The following FHIT variants were observed in gnomAD, a reference collection of about 807,000 sequenced individuals.
The protein encoded by FHIT is fragile histidine triad diadenosine triphosphatase, also known as bis(5'-adenosyl)-triphosphatase.
A neutral mutation model predicts 17.9 loss-of-function variants in FHIT; 19 were observed. The observed-to-expected ratio is 1.06, with a 90% CI of 0.74 to 1.56. The LOEUF (loss-of-function observed/expected upper bound fraction) is 1.56. Among genes scored for constraint, FHIT ranks in the 40% most tolerant of loss-of-function variants. The pLI is 0.00. For missense variants in FHIT, 248 were observed against 189.2 expected (o/e 1.31, Z -1.82); for synonymous variants, 81 against 69.7 (o/e 1.16, Z -0.81).
At chr3:61,069,751 T>C (rs1321553109) in intron 2 of FHIT, among the ~76,000 whole-genome samples, 1 of 152,164 alleles carries the variant, frequency 6.6e-6, no homozygotes, top group East Asian at 1.9e-4. Flanking sequence ...ACACATAGTA[T>C]ATGTTCAGGA....
intron 5 of FHIT, among the ~76,000 whole-genome samples, chr3:60,501,635 T>C (rs1197213290): frequency 3.3e-5 from 5 of 152,180 alleles, no homozygotes; most frequent in African/African-American, 4.8e-5. Context: ...TGAGAAATCA[T>C]GGCAGAGTCC....
chr3:60,430,775 T>G (rs974177613), intron 5 of FHIT, among the ~76,000 whole-genome samples: 1 of 152,130 alleles, frequency 6.6e-6, no homozygotes, highest in African/African-American at 2.4e-5. Flanking sequence ...TAAGGTTCGA[T>G]GTACTCTACT....
At chr3:59,970,248 G>A (rs987804017) in intron 7 of FHIT, among the ~76,000 whole-genome samples, 14 of 152,220 alleles carry the variant, frequency 9.2e-5, no homozygotes, top group Middle Eastern at 3.4e-3. Context: ...CTTTAAGGGG[G>A]AAAATATGAG....
chr3:60,248,698 G>T (rs1047137146), intron 5 of FHIT, among the ~76,000 whole-genome samples: 3 of 152,102 alleles, frequency 2.0e-5, no homozygotes, highest in African/African-American at 7.2e-5. Context: ...TAGTATTCAG[G>T]TTGAAGGGTG....
intron 4 of FHIT, among the ~76,000 whole-genome samples, chr3:60,619,195 A>T (rs925610631): frequency 6.7e-6 from 1 of 149,918 alleles, no homozygotes; most frequent in East Asian, 1.9e-4. Context: ...AATTACATTT[A>T]AAAAAGCTAT....
At chr3:60,145,894 C>T (rs747652893) in intron 5 of FHIT, among the ~76,000 whole-genome samples, 10 of 152,150 alleles carry the variant, frequency 6.6e-5, no homozygotes, top group Non-Finnish European at 1.2e-4. Context: ...TCCCCAAGAA[C>T]AGTGAATAAT....
intron 8 of FHIT, among the ~76,000 whole-genome samples, chr3:59,793,500 TA>T (rs1441973899): frequency 1.3e-5 from 2 of 152,258 alleles, no homozygotes; most frequent in East Asian, 3.9e-4. Flanking sequence ...TGGCCACTGG[TA>T]AAGAGACTTG....
chr3:60,862,196 T>C (rs1559783367), intron 3 of FHIT, among the ~76,000 whole-genome samples: 3 of 152,146 alleles, frequency 2.0e-5, no homozygotes, highest in Admixed American at 6.6e-5. Context: ...TTTTGTTTTT[T>C]AAGACAGTGT....
At chr3:60,767,438 A>G (rs1699896292) in intron 4 of FHIT, among the ~76,000 whole-genome samples, 1 of 152,178 alleles carries the variant, frequency 6.6e-6, no homozygotes, top group Non-Finnish European at 1.5e-5. Context: ...TTTCCTCCAT[A>G]AAGAAATCAA....
At chr3:61,065,284 CACACACACACAT>C (rs2034563497) in intron 2 of FHIT, among the ~76,000 whole-genome samples, 1 of 110,336 alleles carries the variant, frequency 9.1e-6, no homozygotes, top group Non-Finnish European at 2.3e-5. Flanking sequence ...CACACACACA[CACACACACACAT>C]ACACACACAG....
At chr3:60,566,361 A>G (rs2037133971) in intron 4 of FHIT, among the ~76,000 whole-genome samples, 1 of 152,194 alleles carries the variant, frequency 6.6e-6, no homozygotes, top group South Asian at 2.1e-4. Context: ...CAAAAACCAC[A>G]TGATTATCTC....
intron 2 of FHIT, among the ~76,000 whole-genome samples, chr3:61,113,113 C>T (rs1422919449): frequency 6.6e-6 from 1 of 152,064 alleles, no homozygotes; most frequent in African/African-American, 2.4e-5. Context: ...AAGAGATCCT[C>T]CCATCTCAGC....
chr3:61,076,255 C>G (rs1036398918), intron 2 of FHIT, among the ~76,000 whole-genome samples: 1 of 152,194 alleles, frequency 6.6e-6, no homozygotes, highest in Non-Finnish European at 1.5e-5. Context: ...ATTTGCAAAG[C>G]ACTTCCCCAT....
intron 5 of FHIT, among the ~76,000 whole-genome samples, chr3:60,338,567 C>T (rs1710357936): frequency 6.6e-6 from 1 of 152,124 alleles, no homozygotes; most frequent in South Asian, 2.1e-4. Flanking sequence ...TGATAGAAAT[C>T]CTTTATCACA....
At chr3:59,866,953 T>C (rs563371437) in intron 8 of FHIT, among the ~76,000 whole-genome samples, 1 of 151,810 alleles carries the variant, frequency 6.6e-6, no homozygotes, top group Non-Finnish European at 1.5e-5. Context: ...CCTATTCTCA[T>C]ACAACACTTA....
chr3:60,699,735 T>G (rs2107905050), intron 4 of FHIT, among the ~76,000 whole-genome samples: 1 of 148,060 alleles, frequency 6.8e-6, no homozygotes, highest in South Asian at 2.2e-4. Flanking sequence ...TACAACACCA[T>G]TAGGATTTAA....
chr3:59,906,003 AAAGAT>A (rs1479023910), intron 8 of FHIT, among the ~76,000 whole-genome samples: 18 of 152,196 alleles, frequency 1.2e-4, no homozygotes, highest in Admixed American at 3.3e-4. Flanking sequence ...TTTTCATTAA[AAAGAT>A]AAGAGATTCA....
At chr3:60,484,015 G>A (rs1024093248) in intron 5 of FHIT, among the ~76,000 whole-genome samples, 2 of 152,048 alleles carry the variant, frequency 1.3e-5, no homozygotes, top group Non-Finnish European at 2.9e-5. Flanking sequence ...AAAATCACAA[G>A]CATTCCTTTA....
At chr3:60,507,969 T>C (rs1435454938) in intron 5 of FHIT, among the ~76,000 whole-genome samples, 2 of 152,234 alleles carry the variant, frequency 1.3e-5, no homozygotes, top group Non-Finnish European at 2.9e-5. Flanking sequence ...TTGTGAATAG[T>C]GCTTCGGTGA....
Sources: gnomAD v4.1 joint callset for allele counts (sites outside exome capture counted in the v4.1 genomes callset) on GRCh38, gnomAD v4.1.1 for gene constraint, MANE v1.5 for transcripts, NCBI Gene and HGNC (gene_info 2026-07-23, HGNC 2026-07-21) for gene names.